The following BLTP3B variants were observed in gnomAD, a reference collection of about 807,000 sequenced individuals.
The protein encoded by BLTP3B is bridge-like lipid transfer protein family member 3B, also known as UHRF1 (ICBP90) binding protein 1-like.
At chr12:100,065,018 C>A in the BLTP3B span, among the ~76,000 whole-genome samples, 4 of 151,862 alleles carry the variant, frequency 2.6e-5, no homozygotes, top group Non-Finnish European at 5.9e-5. Context: ...TACAGAACTG[C>A]AAAACAGATA....
At chr12:100,052,790 GTTT>G in the BLTP3B span, among the ~76,000 whole-genome samples, 1 of 114,338 alleles carries the variant, frequency 8.7e-6, no homozygotes, top group Non-Finnish European at 1.8e-5. Flanking sequence ...TTTCTTTTCT[GTTT>G]TTTTTTTTTT....
At chr12:100,125,314 C>A in the BLTP3B span, among the ~76,000 whole-genome samples, 1 of 133,538 alleles carries the variant, frequency 7.5e-6, no homozygotes, top group Admixed American at 8.1e-5. Context: ...GCCTGGGTGA[C>A]AGAGCGACCG....
chr12:100,130,513 CATACTCAGTAATACCT>C, the BLTP3B span, among the ~76,000 whole-genome samples: 1 of 152,162 alleles, frequency 6.6e-6, no homozygotes, highest in Non-Finnish European at 1.5e-5. Context: ...TAATCAAAAT[CATACTCAGTAATACCT>C]ATATTCTTTA....
the BLTP3B span, among the ~76,000 whole-genome samples, chr12:100,108,208 TGCCTTTAC>T: frequency 6.6e-6 from 1 of 152,218 alleles, no homozygotes; most frequent in Non-Finnish European, 1.5e-5. Context: ...AGTTAATATA[TGCCTTTAC>T]ACATAAGGCA....
the BLTP3B span, among the ~76,000 whole-genome samples, chr12:100,066,642 A>G: frequency 6.6e-6 from 1 of 151,820 alleles, no homozygotes; most frequent in Non-Finnish European, 1.5e-5. Flanking sequence ...AAAAAAAAAA[A>G]AAATACAAAA....
the BLTP3B span, among the ~76,000 whole-genome samples, chr12:100,121,826 T>C: frequency 1.3e-5 from 2 of 152,082 alleles, no homozygotes; most frequent in African/African-American, 4.8e-5. Flanking sequence ...CGAAAGTCCG[T>C]CTCAAGAAAA....
At chr12:100,076,411 G>C in the BLTP3B span, among the ~76,000 whole-genome samples, 1 of 40,234 alleles carries the variant, frequency 2.5e-5, no homozygotes, top group African/African-American at 7.7e-5. Context: ...TTTTTTTTTT[G>C]AGATAAGAGT....
the BLTP3B span, among the ~76,000 whole-genome samples, chr12:100,126,838 T>C: frequency 3.9e-5 from 6 of 152,286 alleles, no homozygotes; most frequent in Admixed American, 3.3e-4. Context: ...CTTACTGATA[T>C]CTACTTTATT....
chr12:100,088,341 A>G, the BLTP3B span, among the ~76,000 whole-genome samples: 1 of 152,224 alleles, frequency 6.6e-6, no homozygotes, highest in African/African-American at 2.4e-5. Flanking sequence ...CAGCGCCTAG[A>G]TTACAGAACT....
chr12:100,092,471 A>C, the BLTP3B span, among the ~76,000 whole-genome samples: 1 of 152,242 alleles, frequency 6.6e-6, no homozygotes, highest in Non-Finnish European at 1.5e-5. Context: ...AAAAGTACAT[A>C]TGCTGGGGCA....
the BLTP3B span, among the ~76,000 whole-genome samples, chr12:100,086,944 A>AG: frequency 6.6e-6 from 1 of 152,068 alleles, no homozygotes; most frequent in African/African-American, 2.4e-5. Flanking sequence ...GTGGATCACG[A>AG]GGTCAGGAGT....
At chr12:100,057,794 C>A in the BLTP3B span, 2 of 1,489,210 alleles carry the variant, frequency 1.3e-6, no homozygotes, top group South Asian at 2.7e-5. Flanking sequence ...GAAAAGAATT[C>A]TATCTAAAAA....
chr12:100,049,265 C>T, the BLTP3B span, among the ~76,000 whole-genome samples: 2 of 152,124 alleles, frequency 1.3e-5, no homozygotes, highest in East Asian at 3.9e-4. Flanking sequence ...AAAACAAACT[C>T]GTCCTGGAAA....
At chr12:100,077,468 G>A in the BLTP3B span, among the ~76,000 whole-genome samples, 10 of 152,208 alleles carry the variant, frequency 6.6e-5, no homozygotes, top group Admixed American at 2.0e-4. Flanking sequence ...TGGCACTTCT[G>A]ACGTTTTAAG....
chr12:100,096,451 AGAAAT>A, the BLTP3B span, among the ~76,000 whole-genome samples: 31 of 152,288 alleles, frequency 2.0e-4, no homozygotes, highest in Admixed American at 1.8e-3. Context: ...ATTCAATAGA[AGAAAT>A]GAAATTATAA....
the BLTP3B span, among the ~76,000 whole-genome samples, chr12:100,106,058 G>A: frequency 6.6e-6 from 1 of 152,066 alleles, no homozygotes; most frequent in East Asian, 1.9e-4. Context: ...AAAAACAATC[G>A]ATGTTGGCAT....
the BLTP3B span, chr12:100,047,922 T>C: frequency 2.8e-6 from 4 of 1,431,972 alleles, no homozygotes; most frequent in East Asian, 7.6e-5. Context: ...CATGAAAATA[T>C]AAAATTATTT....
the BLTP3B span, among the ~76,000 whole-genome samples, chr12:100,142,217 G>A: frequency 2.6e-5 from 4 of 152,182 alleles, no homozygotes; most frequent in Admixed American, 1.3e-4. Context: ...TCGAGTTAGA[G>A]CCCAGCACAT....
At chr12:100,071,672 C>G in the BLTP3B span, among the ~76,000 whole-genome samples, 1 of 151,986 alleles carries the variant, frequency 6.6e-6, no homozygotes, top group Non-Finnish European at 1.5e-5. Flanking sequence ...AAAGAAGCTT[C>G]TAAAAATAAA....
Sources: allele counts gnomAD v4.1 joint callset (sites outside exome capture counted in the v4.1 genomes callset), GRCh38; gene constraint gnomAD v4.1.1; transcripts MANE v1.5; gene names NCBI Gene and HGNC (gene_info 2026-07-23, HGNC 2026-07-21).